Variants in MUSK observed in about 807,000 individuals in gnomAD.
MUSK encodes muscle associated receptor tyrosine kinase.
MUSK carries 55 observed loss-of-function variants against 88.7 expected under a neutral mutation model. The observed-to-expected ratio is 0.62, with a 90% CI of 0.50 to 0.78. MUSK has a LOEUF of 0.78. Ranked by LOEUF, MUSK falls within the 30% of genes least tolerant of loss-of-function variation. The probability of loss-of-function intolerance (pLI) is 0.00; values close to 1 mark genes in which losing one functional copy is unlikely to be tolerated. For synonymous variants in MUSK, 387 were observed against 391.9 expected, an observed-to-expected ratio of 0.99 and a Z score of 0.15; for missense variants, 1,015 against 1,074.3, an observed-to-expected ratio of 0.94 and a Z score of 0.77.
chr9:110,750,590 G>A (rs886356798), intron 7 of MUSK, among the ~76,000 whole-genome samples: 1 of 152,100 alleles, frequency 6.6e-6, no homozygotes, highest in African/African-American at 2.4e-5. Flanking sequence ...CCCTGTGGCT[G>A]GCCTGCTGAA....
chr9:110,708,232 A>T (rs1199522808), intron 5 of MUSK, among the ~76,000 whole-genome samples: 1 of 152,092 alleles, frequency 6.6e-6, no homozygotes, highest in Non-Finnish European at 1.5e-5. Context: ...TTTCCTAGAG[A>T]TCAAATTTAC....
chr9:110,688,835 G>A (rs1030011569), intron 3 of MUSK, among the ~76,000 whole-genome samples: 1 of 151,060 alleles, frequency 6.6e-6, no homozygotes, highest in African/African-American at 2.4e-5. Context: ...TGGTGTTTAG[G>A]TACCACATTT....
intron 13 of MUSK, among the ~76,000 whole-genome samples, chr9:110,785,994 C>T (rs1281910614): frequency 3.4e-5 from 5 of 148,882 alleles, no homozygotes; most frequent in Non-Finnish European, 7.4e-5. Context: ...TAATAATATA[C>T]TATATAAAAT....
chr9:110,704,859 C>T (rs901169950), intron 5 of MUSK, among the ~76,000 whole-genome samples: 1 of 151,906 alleles, frequency 6.6e-6, no homozygotes, highest in African/African-American at 2.4e-5. Context: ...GTGGCAGGCA[C>T]CTGAAATTCT....
chr9:110,739,920 T>C (rs1302771505), intron 6 of MUSK, among the ~76,000 whole-genome samples: 1 of 152,176 alleles, frequency 6.6e-6, no homozygotes, highest in Non-Finnish European at 1.5e-5. Context: ...AACTTTTTGG[T>C]ATCTTGGCTG....
At position 110,755,299 on chromosome 9, in the gene MUSK, T is replaced by A. The variant is rs576734008; in HGVS notation, c.914-6903T>A. 4.6e-5 allele frequency among the ~76,000 whole-genome samples: 7 copies of A among 152,332 alleles called. No homozygotes were observed. In the East Asian group the frequency reaches 1.4e-3, roughly 29 times the overall value. On this transcript the variant is annotated intron_variant, in intron 7 of 14. Transcript: ENST00000374448. ...GGAGGGATAAAATTTTAGAGCTTAT[T>A]ATTGGCTAAAACCCTACTCTGGATC...
rs1204196805 is a variant in MUSK, at chr9:110,803,123, G to A, written c.*2135G>A. On this transcript the variant is annotated 3_prime_UTR_variant, in exon 15 of 15. Transcript: ENST00000374448. ...CTTTCTCCGCTGATAAAGTTTTGTT[G>A]TAAAAGACAGACATAGAAGTCAGGC... is the stretch of plus-strand genomic sequence containing the variant. 6.6e-6 allele frequency among the ~76,000 whole-genome samples: 1 copy of A among 152,156 alleles called. No homozygotes were observed. Among genetic ancestry groups the A allele is most frequent in the Non-Finnish European group, 1.5e-5 (1 of 68,022 alleles).
At chr9:110,694,215 C>CAAA (rs1217917603) in intron 3 of MUSK, among the ~76,000 whole-genome samples, 1,189 of 72,054 alleles carry the variant, frequency 0.017, 21 homozygotes, top group East Asian at 0.095. Context: ...ACTAAAAATA[C>CAAA]AAAAAAAAAA....
At chr9:110,687,010 A>G (rs2076204301) in intron 2 of MUSK, 107 bp from the exon 3 acceptor site, 1 of 1,086,064 alleles carries the variant, frequency 9.2e-7, no homozygotes, top group South Asian at 1.6e-5. Context: ...GTTTCCTCTC[A>G]CCTTTATTCT....
intron 6 of MUSK, among the ~76,000 whole-genome samples, chr9:110,742,874 C>A (rs2077122395): frequency 6.6e-6 from 1 of 152,126 alleles, no homozygotes; most frequent in African/African-American, 2.4e-5. Flanking sequence ...GTAATTCTAC[C>A]CAAGTCTGAA....
At chr9:110,716,727 T>C (rs183647033) in intron 5 of MUSK, among the ~76,000 whole-genome samples, 29 of 150,152 alleles carry the variant, frequency 1.9e-4, no homozygotes, top group African/African-American at 5.8e-4. Flanking sequence ...AGAATTTTAG[T>C]TTTGCCTTAG....
In MUSK at chr9:110,722,122, C is replaced by A. The variant is rs112598729; in HGVS notation, c.629-12129C>A. Among the ~76,000 whole-genome samples, 199 of 152,200 alleles carry A rather than the reference C, an allele frequency of 1.3e-3. 1 individual carries two copies. The highest frequency in any genetic ancestry group is 4.4e-3 in the African/African-American group (183 of 41,534). On this transcript the variant is annotated intron_variant, in intron 5 of 14. Coordinates refer to ENST00000374448, the MANE Select transcript of MUSK (RefSeq NM_005592.4). ...TAGATCAAGGACTTAAATTGAAGAC[C>A]TGGAACCATAAAAATTCTAGAAGAT...
chr9:110,741,795 T>C (rs1007656391), intron 6 of MUSK, among the ~76,000 whole-genome samples: 4 of 152,158 alleles, frequency 2.6e-5, no homozygotes, highest in Non-Finnish European at 5.9e-5. Context: ...ACTTGAGGCA[T>C]GGTAGAATGA....
In MUSK at chr9:110,803,160, A is replaced by G. The variant is rs902625189; in HGVS notation, c.*2172A>G. ...CATAGAAGTCAGGCTGACAGAAAAT[A>G]GAGTAACAGTAATCATAAAAATTAT... On this transcript the variant is annotated 3_prime_UTR_variant, in exon 15 of 15. Coordinates refer to ENST00000374448, the MANE Select transcript of MUSK (RefSeq NM_005592.4). 1.3e-5 allele frequency among the ~76,000 whole-genome samples: 2 copies of G among 152,230 alleles called. No homozygotes were observed. The highest frequency in any genetic ancestry group is 4.8e-5 in the African/African-American group (2 of 41,472).
At chr9:110,724,819 C>A (rs2076862089) in intron 5 of MUSK, among the ~76,000 whole-genome samples, 1 of 151,840 alleles carries the variant, frequency 6.6e-6, no homozygotes, top group South Asian at 2.1e-4. Context: ...GAGTAGTACT[C>A]TTTGTGCTAT....
At chr9:110,759,139 G>C (rs2077364557) in intron 7 of MUSK, among the ~76,000 whole-genome samples, 1 of 152,116 alleles carries the variant, frequency 6.6e-6, no homozygotes, top group African/African-American at 2.4e-5. Flanking sequence ...CAGACATATA[G>C]ACCACTGGAA....
At chr9:110,713,094 C>T (rs10980536) in intron 5 of MUSK, among the ~76,000 whole-genome samples, 53,545 of 151,504 alleles carry the variant, frequency 0.35, 10,374 homozygotes, top group Non-Finnish European at 0.44. Flanking sequence ...TTCAGATTTA[C>T]CATGCAAGCA....
intron 6 of MUSK, among the ~76,000 whole-genome samples, chr9:110,736,874 C>A (rs1454411293): frequency 6.6e-6 from 1 of 151,984 alleles, no homozygotes; most frequent in Non-Finnish European, 1.5e-5. Flanking sequence ...CCTTGGGCAT[C>A]CCAGATAATT....
In MUSK at chr9:110,717,649, A is replaced by C. The variant is rs193302162; in HGVS notation, c.629-16602A>C. Among the ~76,000 whole-genome samples the C allele has an allele frequency of 1.3e-3, 194 of 150,110 alleles. 26 individuals are homozygous for C. The highest frequency in any genetic ancestry group is 4.7e-3 in the African/African-American group (187 of 39,718). ...AGTTCATTCAATTAGATCTGTGAGC[A>C]GATATCTTTGTCTTTGTCTTTGTAT... On this transcript the variant is annotated intron_variant, in intron 5 of 14. Transcript: ENST00000374448.
Sources: gnomAD v4.1 joint callset for allele counts (sites outside exome capture counted in the v4.1 genomes callset) on GRCh38, gnomAD v4.1.1 for gene constraint, MANE v1.5 for transcripts, NCBI Gene and HGNC (gene_info 2026-07-23, HGNC 2026-07-21) for gene names.